The following PEX5L variants were observed in gnomAD, a reference collection of about 807,000 sequenced individuals.
PEX5L encodes peroxisomal biogenesis factor 5 like, also known as PEX5-related protein.
A neutral mutation model predicts 84.0 loss-of-function variants in PEX5L; 30 were observed. The ratio of observed to expected loss-of-function variants is 0.36; its 90% CI spans 0.27 to 0.48. The LOEUF is 0.48. Among genes scored for constraint, PEX5L ranks in the 20% least tolerant of loss-of-function variants. The pLI, the probability that PEX5L is intolerant of heterozygous loss-of-function variation, is 0.99. For missense variants in PEX5L, 533 were observed against 754.6 expected (o/e 0.71, Z 3.44); for synonymous variants, 270 against 283.1 (o/e 0.95, Z 0.46).
At chr3:179,936,484 C>T (rs1774650813) in intron 2 of PEX5L, among the ~76,000 whole-genome samples, 1 of 152,158 alleles carries the variant, frequency 6.6e-6, no homozygotes, top group East Asian at 1.9e-4. Flanking sequence ...ATTATTATTT[C>T]ATCAAAAGGA....
intron 2 of PEX5L, among the ~76,000 whole-genome samples, chr3:179,935,759 TG>T (rs757314048): frequency 2.5e-4 from 38 of 152,048 alleles, no homozygotes; most frequent in Non-Finnish European, 4.1e-4. Flanking sequence ...TGGAGCCTGA[TG>T]GGAGGCATCT....
At chr3:179,841,622 T>C (rs1737346949) in intron 8 of PEX5L, among the ~76,000 whole-genome samples, 1 of 152,242 alleles carries the variant, frequency 6.6e-6, no homozygotes, top group Non-Finnish European at 1.5e-5. Context: ...TATAATGCTA[T>C]ATAAACAAAT....
Position 179,952,123 on chromosome 3 carries a change from G to C in PEX5L, c.93+19471C>G, listed in dbSNP as rs925518859. Among the ~76,000 whole-genome samples, 5 of 152,096 alleles carry C rather than the reference G, an allele frequency of 3.3e-5. No homozygotes were observed. The East Asian group carries it at 7.7e-4, about 23-fold the overall frequency. ...GCTTATATTATAGATTTGCAAGAAA[G>C]CTTCTTGGATCTAATAAGGCAGATT... On this transcript the variant is annotated intron_variant, in intron 2 of 14. Transcript: ENST00000467460.
At chr3:179,893,823 G>A (rs775346244) in intron 3 of PEX5L, among the ~76,000 whole-genome samples, 1 of 151,954 alleles carries the variant, frequency 6.6e-6, no homozygotes, top group Non-Finnish European at 1.5e-5. Context: ...TAATACTATG[G>A]CATGTCTTTT....
intron 2 of PEX5L, among the ~76,000 whole-genome samples, chr3:179,913,715 A>G (rs1765993272): frequency 6.6e-6 from 1 of 152,128 alleles, no homozygotes; most frequent in Admixed American, 6.5e-5. Flanking sequence ...TTTTGCTACA[A>G]GAATAAAACA....
chr3:180,009,208 A>G (rs1789197370), intron 1 of PEX5L, among the ~76,000 whole-genome samples: 1 of 152,236 alleles, frequency 6.6e-6, no homozygotes, highest in Non-Finnish European at 1.5e-5. Context: ...CACTAAACAG[A>G]TAATTAATAA....
At chr3:179,808,207 T>C (rs1394958820) in intron 13 of PEX5L, 65 bp downstream of exon 13, 2 of 1,316,232 alleles carry the variant, frequency 1.5e-6, no homozygotes, top group African/African-American at 1.5e-5. Flanking sequence ...GTAGACGGTG[T>C]AGCCTGTGAA....
chr3:179,840,405 T>C (rs560755119), intron 8 of PEX5L, among the ~76,000 whole-genome samples: 2 of 144,296 alleles, frequency 1.4e-5, no homozygotes, highest in South Asian at 2.1e-4. Context: ...GCCAGGCTGG[T>C]CTCGAACTCC....
At chr3:179,889,193 C>T (rs1315251164) in intron 3 of PEX5L, among the ~76,000 whole-genome samples, 1 of 152,128 alleles carries the variant, frequency 6.6e-6, no homozygotes, top group Non-Finnish European at 1.5e-5. Context: ...CTCTACTCAC[C>T]TTCGCTACAT....
intron 1 of PEX5L, among the ~76,000 whole-genome samples, chr3:179,979,256 A>T (rs1016013502): frequency 9.2e-5 from 14 of 152,206 alleles, no homozygotes; most frequent in Non-Finnish European, 1.9e-4. Flanking sequence ...TTTTAAAAAA[A>T]AAACAAAGAT....
In PEX5L at chr3:179,973,381, T is replaced by C. The variant is rs144593285; in HGVS notation, c.22-1716A>G. 2.2e-4 allele frequency: 250 copies of C among 1,127,246 alleles called. 1 individual carries two copies. The East Asian group carries it at 7.4e-3, about 33-fold the overall frequency. The allele number at this position is 1,127,246 out of a possible 1,614,324, so 69.8% of individuals were successfully genotyped here. On this transcript the variant is annotated intron_variant, in intron 1 of 14. Transcript: ENST00000467460. ...TTGAAGTATTCCTGAATCATTGTCT[T>C]GACTTTGTAAACATTGTGAAATTTT...
In PEX5L at chr3:180,009,479, T is replaced by G. The variant is rs189758428; in HGVS notation, c.21+27100A>C. On this transcript the variant is annotated intron_variant, in intron 1 of 14. Transcript: ENST00000467460. The stretch of plus-strand genomic sequence containing the variant: ...AGCAATAAAACAAGCAAACAAAAAT[T>G]TAAAAAATAAAAACAGAGGAAAGTC... 2.5e-3 allele frequency among the ~76,000 whole-genome samples: 382 copies of G among 152,208 alleles called. 1 individual carries two copies. The highest frequency in any genetic ancestry group is 8.7e-3 in the African/African-American group (362 of 41,544).
intron 2 of PEX5L, among the ~76,000 whole-genome samples, chr3:179,968,645 T>C (rs1448395908): frequency 6.6e-6 from 1 of 152,026 alleles, no homozygotes; most frequent in Non-Finnish European, 1.5e-5. Context: ...TGGAGATTTC[T>C]GGTGGAAAAT....
chr3:179,944,280 C>G (rs182170307), intron 2 of PEX5L, among the ~76,000 whole-genome samples: 8 of 152,330 alleles, frequency 5.3e-5, no homozygotes, highest in Non-Finnish European at 7.3e-5. Flanking sequence ...GAGGTTTACA[C>G]TCAATCCAGC....
At chr3:179,900,842 A>G (rs1761065920) in intron 2 of PEX5L, 1 of 693,970 alleles carries the variant, frequency 1.4e-6, no homozygotes, top group Non-Finnish European at 2.5e-6. Flanking sequence ...CTGTTTTACA[A>G]GTGCGGTACA....
chr3:179,880,928 G>C (rs3774245), intron 4 of PEX5L: 2 of 152,206 alleles, frequency 1.3e-5, no homozygotes, highest in African/African-American at 4.8e-5. Flanking sequence ...GTGAGAGATA[G>C]AAAATTCAAA....
chr3:179,964,781 A>T (rs2110146673), intron 2 of PEX5L, among the ~76,000 whole-genome samples: 1 of 152,320 alleles, frequency 6.6e-6, no homozygotes, highest in South Asian at 2.1e-4. Flanking sequence ...ATTTAGTCTA[A>T]CTATCTACCA....
intron 1 of PEX5L, among the ~76,000 whole-genome samples, chr3:180,021,103 A>T (rs1790382782): frequency 6.6e-6 from 1 of 152,154 alleles, no homozygotes; most frequent in African/African-American, 2.4e-5. Flanking sequence ...CTGGAGGTTT[A>T]CGGAAGACTC....
In PEX5L at chr3:180,034,114, A is replaced by C. The variant is rs76887112; in HGVS notation, c.21+2465T>G. Among the ~76,000 whole-genome samples the C allele has an allele frequency of 1.2e-3, 178 of 152,318 alleles. 2 individuals carry two copies. The East Asian group carries it at 0.03, about 26-fold the overall frequency. ...AGGAGTTTTAAATTAGACTATTTTT[A>C]AGTCTTCCTGAGAACACCTGCCCCT... On this transcript the variant is annotated intron_variant, in intron 1 of 14. Transcript: ENST00000467460.
Sources: allele counts gnomAD v4.1 joint callset (sites outside exome capture counted in the v4.1 genomes callset), GRCh38; gene constraint gnomAD v4.1.1; transcripts MANE v1.5; gene names NCBI Gene and HGNC (gene_info 2026-07-23, HGNC 2026-07-21).